VGLL4: variants seen among roughly 807,000 people sequenced by gnomAD.
VGLL4 encodes vestigial like family member 4.
A neutral mutation model predicts 21.0 loss-of-function variants in VGLL4; 7 were observed. The ratio of observed to expected loss-of-function variants is 0.33; its 90% confidence interval spans 0.19 to 0.63. VGLL4 has a LOEUF of 0.63. VGLL4 is among the 20% of genes least tolerant of loss of function. VGLL4 has a pLI of 0.78. For synonymous variants in VGLL4, 222 were observed against 173.2 expected (o/e 1.28, Z -2.21); for missense variants, 394 against 425.7 (o/e 0.93, Z 0.66).
At chr3:11,566,356 A>C (rs1441919763) in intron 2 of VGLL4, among the ~76,000 whole-genome samples, 1 of 152,222 alleles carries the variant, frequency 6.6e-6, no homozygotes, top group Non-Finnish European at 1.5e-5. Flanking sequence ...ACATCTTGTA[A>C]AACTACAGTA....
intron 1 of VGLL4, among the ~76,000 whole-genome samples, chr3:11,627,004 A>G (rs891522508): frequency 6.6e-6 from 1 of 152,086 alleles, no homozygotes; most frequent in Non-Finnish European, 1.5e-5. Context: ...CAAACATGCA[A>G]ACGAGTGTTA....
intron 2 of VGLL4, among the ~76,000 whole-genome samples, chr3:11,677,916 A>AAG (rs1440911005): frequency 1.3e-5 from 2 of 151,682 alleles, no homozygotes; most frequent in Non-Finnish European, 2.9e-5. Context: ...TTTCAAAAAA[A>AAG]AAAAAAAAAG....
chr3:11,702,549 A>C (rs2076696121), intron 2 of VGLL4: 1 of 151,918 alleles, frequency 6.6e-6, no homozygotes, highest in African/African-American at 2.4e-5. Flanking sequence ...GAATCACTTG[A>C]ACCTGGGAGG....
chr3:11,693,479 C>T (rs888704319), intron 2 of VGLL4, among the ~76,000 whole-genome samples: 12 of 152,206 alleles, frequency 7.9e-5, no homozygotes, highest in Admixed American at 5.2e-4. Flanking sequence ...CACCATCCTT[C>T]AAGTCTGGCC....
chr3:11,582,396 G>A (rs1009404446), intron 2 of VGLL4: 13 of 1,549,982 alleles, frequency 8.4e-6, no homozygotes, highest in African/African-American at 1.4e-5. Context: ...CTGGATGGGC[G>A]GGCGCTTGTC....
intron 1 of VGLL4, among the ~76,000 whole-genome samples, chr3:11,632,168 C>T (rs2075491671): frequency 1.3e-5 from 2 of 152,070 alleles, no homozygotes; most frequent in African/African-American, 4.8e-5. Flanking sequence ...CAAAAATTAG[C>T]CGTGTGTAAT....
chr3:11,559,605 T>TAAAC, intron 3 of VGLL4, 150 bp from the exon 4 acceptor site: 2 of 1,246,286 alleles, frequency 1.6e-6, no homozygotes, highest in Non-Finnish European at 2.1e-6. Flanking sequence ...GTCCTGTTGC[T>TAAAC]AAACACAGCC....
intron 2 of VGLL4, among the ~76,000 whole-genome samples, chr3:11,572,918 A>T (rs1360115076): frequency 2.0e-5 from 3 of 152,086 alleles, no homozygotes; most frequent in Non-Finnish European, 4.4e-5. Context: ...CTGTAATTCC[A>T]GCACTTTGGG....
At chr3:11,689,269 G>A (rs2076492935) in intron 2 of VGLL4, among the ~76,000 whole-genome samples, 1 of 152,068 alleles carries the variant, frequency 6.6e-6, no homozygotes, top group Admixed American at 6.6e-5. Flanking sequence ...ACCAGAACAT[G>A]CATCTGATGC....
chr3:11,637,865 G>C (rs796451716), intron 1 of VGLL4, among the ~76,000 whole-genome samples: 1 of 152,050 alleles, frequency 6.6e-6, no homozygotes, highest in Admixed American at 6.6e-5. Flanking sequence ...AATAAAAGAC[G>C]GAGAGAAAAC....
At chr3:11,635,568 C>T (rs777289828) in intron 1 of VGLL4, among the ~76,000 whole-genome samples, 1 of 152,166 alleles carries the variant, frequency 6.6e-6, no homozygotes, top group Non-Finnish European at 1.5e-5. Context: ...AAATATAGAA[C>T]CAAATACTGT....
In VGLL4 at chr3:11,593,384, C is replaced by T. The variant is rs554526369; in HGVS notation, c.272+8449G>A. Among the ~76,000 whole-genome samples the T allele has an allele frequency of 2.6e-5, 4 of 152,230 alleles. No homozygotes were observed. The South Asian group carries it at 8.3e-4, about 32-fold the overall frequency. Reference sequence around the variant, plus strand: ...AGATAAAGAAAATCCAGGGAAAACCCCCAATCCCATTTTAGCCAATCATCA... The same window carrying T: ...AGATAAAGAAAATCCAGGGAAAACCTCCAATCCCATTTTAGCCAATCATCA... On this transcript the variant is annotated intron_variant, in intron 2 of 4. Coordinates refer to ENST00000430365, the MANE Select transcript of VGLL4 (RefSeq NM_001128219.3).
At chr3:11,682,389 T>A in intron 2 of VGLL4, among the ~76,000 whole-genome samples, 1 of 104,602 alleles carries the variant, frequency 9.6e-6, no homozygotes, top group African/African-American at 3.9e-5. Flanking sequence ...CGGGTGACAG[T>A]ACAAGACCCT....
intron 3 of VGLL4, among the ~76,000 whole-genome samples, chr3:11,562,207 G>A (rs181883005): frequency 3.9e-5 from 6 of 152,168 alleles, no homozygotes; most frequent in East Asian, 3.9e-4. Flanking sequence ...CTCAATGTGC[G>A]AAGCTTAACC....
intron 3 of VGLL4, among the ~76,000 whole-genome samples, chr3:11,560,952 A>T (rs1399930824): frequency 6.6e-6 from 1 of 152,094 alleles, no homozygotes; most frequent in South Asian, 2.1e-4. Context: ...TGAGGCCTGG[A>T]GCAGATCTCA....
chr3:11,717,425 G>A (rs2076934109), intron 1 of VGLL4, among the ~76,000 whole-genome samples: 2 of 149,818 alleles, frequency 1.3e-5, no homozygotes, highest in African/African-American at 4.9e-5. Context: ...ATTTGTTTTG[G>A]CAACCACCAG....
chr3:11,611,792 T>G (rs1449664745), intron 1 of VGLL4: 3 of 152,108 alleles, frequency 2.0e-5, no homozygotes, highest in Non-Finnish European at 4.4e-5. Flanking sequence ...CCCCTCTGAC[T>G]TGGTGATCAT....
At chr3:11,635,149 G>A (rs1219658394) in intron 1 of VGLL4, among the ~76,000 whole-genome samples, 1 of 152,230 alleles carries the variant, frequency 6.6e-6, no homozygotes, top group African/African-American at 2.4e-5. Flanking sequence ...GAAATCAGAG[G>A]ACAGCAGATT....
intron 2 of VGLL4, among the ~76,000 whole-genome samples, chr3:11,666,248 CAAAA>C (rs61052269): frequency 6.6e-5 from 6 of 91,514 alleles, no homozygotes; most frequent in Non-Finnish European, 4.9e-5. Flanking sequence ...GACTGCGCCT[CAAAA>C]AAAAAAAAAA....
Sources: gnomAD v4.1 joint callset for allele counts (sites outside exome capture counted in the v4.1 genomes callset) on GRCh38, gnomAD v4.1.1 for gene constraint, MANE v1.5 for transcripts, NCBI Gene and HGNC (gene_info 2026-07-23, HGNC 2026-07-21) for gene names.